Variants in TMEM132B observed in about 807,000 individuals in gnomAD.
The protein encoded by TMEM132B is transmembrane protein 132B.
Under a neutral mutation model 90.8 loss-of-function variants are expected in TMEM132B, and 18 were observed. That is an observed-to-expected ratio of 0.20 (90% CI 0.14 to 0.29). The LOEUF is 0.29. Ranked by LOEUF, TMEM132B falls within the 10% of genes least tolerant of loss-of-function variation. The probability of loss-of-function intolerance (pLI) is 1.00; values close to 1 mark genes in which losing one functional copy is unlikely to be tolerated. For missense variants in TMEM132B, 1,096 were observed against 1,326.8 expected, an observed-to-expected ratio of 0.83 and a Z score of 2.70; for synonymous variants, 504 against 523.3, an observed-to-expected ratio of 0.96 and a Z score of 0.50.
At chr12:125,643,285 C>T (rs536541338) in intron 5 of TMEM132B, among the ~76,000 whole-genome samples, 1 of 152,328 alleles carries the variant, frequency 6.6e-6, no homozygotes, top group Admixed American at 6.5e-5. Context: ...TTTTTATTTT[C>T]TGTCCTCTGC....
intron 1 of TMEM132B, among the ~76,000 whole-genome samples, chr12:125,253,935 T>G (rs1874372155): frequency 6.6e-6 from 1 of 152,194 alleles, no homozygotes; most frequent in South Asian, 2.1e-4. Context: ...TCTTTGTTTC[T>G]GTGGAGCTTG....
At chr12:125,243,182 C>T (rs1874128072) in intron 1 of TMEM132B, among the ~76,000 whole-genome samples, 1 of 150,870 alleles carries the variant, frequency 6.6e-6, no homozygotes, top group Non-Finnish European at 1.5e-5. Flanking sequence ...CTCACTCTGT[C>T]ACCCAGGCTG....
intron 3 of TMEM132B, among the ~76,000 whole-genome samples, chr12:125,507,542 C>G (rs2136620113): frequency 6.6e-6 from 1 of 152,058 alleles, no homozygotes; most frequent in East Asian, 1.9e-4. Flanking sequence ...GAAGGCGAGG[C>G]CAAGGATGGT....
At chr12:125,223,558 T>C (rs572639750) in intron 1 of TMEM132B, among the ~76,000 whole-genome samples, 227 of 152,358 alleles carry the variant, frequency 1.5e-3, no homozygotes, top group Non-Finnish European at 2.6e-3. Flanking sequence ...ATATAATTCA[T>C]TGGCATTTAG....
At chr12:125,568,625 C>T (rs150396714) in intron 4 of TMEM132B, among the ~76,000 whole-genome samples, 19 of 152,306 alleles carry the variant, frequency 1.2e-4, no homozygotes, top group Non-Finnish European at 2.8e-4. Context: ...CCTCAAGTGT[C>T]GCATACCTTT....
chr12:125,403,332 G>A (rs1879371654), intron 2 of TMEM132B, among the ~76,000 whole-genome samples: 1 of 152,066 alleles, frequency 6.6e-6, no homozygotes, highest in Admixed American at 6.6e-5. Context: ...TGCTGTGAGG[G>A]GCTTCTTTCA....
intron 2 of TMEM132B, among the ~76,000 whole-genome samples, chr12:125,375,721 G>C (rs1425617843): frequency 6.6e-6 from 1 of 152,264 alleles, no homozygotes; most frequent in Non-Finnish European, 1.5e-5. Context: ...ATAGTAACAT[G>C]ATGAGGGTTC....
intron 1 of TMEM132B, among the ~76,000 whole-genome samples, chr12:125,229,017 T>C (rs950000636): frequency 5.9e-5 from 9 of 152,176 alleles, no homozygotes; most frequent in African/African-American, 2.2e-4. Context: ...TGCATAGCTA[T>C]GGTGCCGCGG....
At chr12:125,506,637 A>G (rs530962922) in intron 3 of TMEM132B, among the ~76,000 whole-genome samples, 3 of 152,348 alleles carry the variant, frequency 2.0e-5, no homozygotes, top group Non-Finnish European at 4.4e-5. Context: ...TTTTTGAAAA[A>G]AATACTTTAT....
At chr12:125,487,779 C>T (rs899417609) in intron 3 of TMEM132B, among the ~76,000 whole-genome samples, 6 of 152,154 alleles carry the variant, frequency 3.9e-5, no homozygotes, top group Admixed American at 2.0e-4. Flanking sequence ...ATTTTCTACA[C>T]GTCTGCTATT....
chr12:125,212,793 A>G (rs992060231), intron 1 of TMEM132B, among the ~76,000 whole-genome samples: 3 of 152,218 alleles, frequency 2.0e-5, no homozygotes, highest in Middle Eastern at 6.3e-3. Context: ...CCTCTTTCAC[A>G]TACTTAGAAT....
intron 5 of TMEM132B, among the ~76,000 whole-genome samples, chr12:125,641,059 A>T (rs1886618637): frequency 6.6e-6 from 1 of 152,076 alleles, no homozygotes. Context: ...CAGAGTAGGG[A>T]TTCAGATTCT....
intron 3 of TMEM132B, among the ~76,000 whole-genome samples, chr12:125,454,520 T>G (rs1284830838): frequency 1.3e-5 from 2 of 152,196 alleles, no homozygotes; most frequent in Non-Finnish European, 2.9e-5. Context: ...GCTTGGCCTC[T>G]TCAGTAATTT....
At chr12:125,533,311 T>A (rs1883696855) in intron 4 of TMEM132B, among the ~76,000 whole-genome samples, 1 of 152,248 alleles carries the variant, frequency 6.6e-6, no homozygotes. Context: ...GGTGAAATAC[T>A]TAAGATAGTG....
At chr12:125,499,806 T>A (rs888490560) in intron 3 of TMEM132B, among the ~76,000 whole-genome samples, 6 of 152,208 alleles carry the variant, frequency 3.9e-5, no homozygotes, top group Admixed American at 2.6e-4. Context: ...ATTTTACTAA[T>A]CATAGGTTAT....
At chr12:125,549,053 C>T (rs1310637093) in intron 4 of TMEM132B, among the ~76,000 whole-genome samples, 1 of 152,100 alleles carries the variant, frequency 6.6e-6, no homozygotes. Context: ...TCTAAAGTTG[C>T]CTTTAGCAAG....
intron 1 of TMEM132B, among the ~76,000 whole-genome samples, chr12:125,295,513 T>TGAGAGAGA (rs1484830404): frequency 2.0e-5 from 2 of 100,446 alleles, no homozygotes; most frequent in Non-Finnish European, 4.1e-5. Flanking sequence ...TGTGTGTGTG[T>TGAGAGAGA]GTGAGAGAGA....
intron 2 of TMEM132B, among the ~76,000 whole-genome samples, chr12:125,394,131 C>T (rs1383349598): frequency 6.6e-6 from 1 of 152,164 alleles, no homozygotes; most frequent in Non-Finnish European, 1.5e-5. Context: ...TCAAACAGCA[C>T]CCACTAAGTG....
intron 3 of TMEM132B, among the ~76,000 whole-genome samples, chr12:125,422,742 C>T (rs1880204273): frequency 6.6e-6 from 1 of 152,116 alleles, no homozygotes; most frequent in East Asian, 1.9e-4. Flanking sequence ...GTGATGCAGC[C>T]ACGGCCATGG....
Sources: gnomAD v4.1 joint callset for allele counts (sites outside exome capture counted in the v4.1 genomes callset) on GRCh38, gnomAD v4.1.1 for gene constraint, MANE v1.5 for transcripts, NCBI Gene and HGNC (gene_info 2026-07-23, HGNC 2026-07-21) for gene names.